CHL1: variants seen among roughly 807,000 people sequenced by gnomAD.
CHL1 encodes neural cell adhesion molecule L1-like protein.
In CHL1, 96 loss-of-function variants were observed where a neutral mutation model predicts 141.9. The ratio of observed to expected loss-of-function variants is 0.68; its 90% confidence interval spans 0.57 to 0.80. The LOEUF (loss-of-function observed/expected upper bound fraction) is 0.80, where lower values mean the gene tolerates loss of function less well. Among genes scored for constraint, CHL1 ranks in the 30% least tolerant of loss-of-function variants. CHL1 has a pLI of 0.00. For missense variants in CHL1, 1,820 were observed against 1,457.2 expected, an observed-to-expected ratio of 1.25 and a Z score of -4.05; for synonymous variants, 613 against 502.2, an observed-to-expected ratio of 1.22 and a Z score of -2.95.
At chr3:348,038 A>C (rs1702913943) in intron 9 of CHL1, among the ~76,000 whole-genome samples, 1 of 152,216 alleles carries the variant, frequency 6.6e-6, no homozygotes, top group Admixed American at 6.5e-5. Context: ...GAATATTGAC[A>C]CACACGATTT....
chr3:311,585 A>G (rs569293122), intron 2 of CHL1, among the ~76,000 whole-genome samples: 3 of 152,254 alleles, frequency 2.0e-5, no homozygotes, highest in African/African-American at 7.2e-5. Flanking sequence ...CCTGGAGGAG[A>G]GATAGCACCT....
chr3:295,391 C>G (rs971632802), intron 2 of CHL1, among the ~76,000 whole-genome samples: 7 of 151,896 alleles, frequency 4.6e-5, no homozygotes, highest in African/African-American at 1.7e-4. Context: ...TGACTAATGG[C>G]CAAAAGCACT....
At chr3:328,741 T>C (rs994761135) in intron 5 of CHL1, among the ~76,000 whole-genome samples, 15 of 152,146 alleles carry the variant, frequency 9.9e-5, no homozygotes, top group Non-Finnish European at 1.9e-4. Context: ...GGCAACTCTT[T>C]CATGCAGCCT....
At chr3:222,283 T>C (rs1700913139) in intron 1 of CHL1, among the ~76,000 whole-genome samples, 1 of 152,302 alleles carries the variant, frequency 6.6e-6, no homozygotes, top group South Asian at 2.1e-4. Context: ...GCCTTTTTTT[T>C]AGCTTCTAGA....
Position 200,288 on chromosome 3 carries a change from A to G in CHL1, c.-175+3225A>G, listed in dbSNP as rs1396553885. On this transcript the variant is annotated intron_variant, in intron 1 of 27. Transcript: ENST00000256509. ...GCACTTGGAATGCTTAAGTTAGTCC[A>G]GAGACAAATGGTAAGAGTAGGAAAA... Among the ~76,000 whole-genome samples the G allele has an allele frequency of 3.9e-5, 6 of 152,204 alleles. No homozygotes were observed. In the East Asian group the frequency reaches 7.7e-4, roughly 19 times the overall value.
At chr3:241,494 T>G (rs1021708333) in intron 1 of CHL1, among the ~76,000 whole-genome samples, 25 of 152,224 alleles carry the variant, frequency 1.6e-4, no homozygotes, top group Non-Finnish European at 4.4e-5. Context: ...CATGGGTAGG[T>G]TGTTTGCTGA....
Position 335,577 on chromosome 3 carries a change from C to T in CHL1, c.386-5217C>T, listed in dbSNP as rs567055797. 6.1e-4 allele frequency among the ~76,000 whole-genome samples: 93 copies of T among 152,258 alleles called. 3 individuals carry two copies. In the South Asian group the frequency reaches 0.013, roughly 21 times the overall value. On this transcript the variant is annotated intron_variant, in intron 5 of 27. Coordinates refer to ENST00000256509, the MANE Select transcript of CHL1 (RefSeq NM_006614.4). The stretch of plus-strand genomic sequence containing the variant: ...GCCAAGCATATTTAAGTGAAATGTA[C>T]GGCCCTGGAAAGCTCACCAGGCCAG...
intron 16 of CHL1, 39 bp downstream of exon 16, chr3:377,981 C>T: frequency 6.4e-7 from 1 of 1,551,994 alleles, no homozygotes; most frequent in Non-Finnish European, 8.7e-7. Context: ...TTCATTTCTT[C>T]ATTTCTGATT....
intron 15 of CHL1, among the ~76,000 whole-genome samples, chr3:372,769 G>A (rs561620556): frequency 6.6e-6 from 1 of 151,454 alleles, no homozygotes; most frequent in African/African-American, 2.4e-5. Context: ...CACTTGGATG[G>A]GGTTTTTTGT....
chr3:209,838 G>A (rs1699754970), intron 1 of CHL1, among the ~76,000 whole-genome samples: 1 of 152,174 alleles, frequency 6.6e-6, no homozygotes, highest in Non-Finnish European at 1.5e-5. Flanking sequence ...AATGATCCAA[G>A]GTAGGTGCCG....
intron 1 of CHL1, among the ~76,000 whole-genome samples, chr3:241,283 C>T (rs1692531393): frequency 6.6e-6 from 1 of 152,144 alleles, no homozygotes; most frequent in African/African-American, 2.4e-5. Context: ...TCTTGTGAAG[C>T]CAAGTTTTCT....
intron 8 of CHL1, among the ~76,000 whole-genome samples, chr3:343,989 G>C (rs1238652336): frequency 1.3e-5 from 2 of 152,132 alleles, no homozygotes; most frequent in Non-Finnish European, 2.9e-5. Flanking sequence ...ATATTCTTAA[G>C]AAAATAAGAA....
chr3:300,833 A>C (rs1398980905), intron 2 of CHL1, among the ~76,000 whole-genome samples: 1 of 152,210 alleles, frequency 6.6e-6, no homozygotes, highest in African/African-American at 2.4e-5. Context: ...AAGAAAGTGC[A>C]GCTGTGTTAA....
chr3:282,435 G>T (rs953394037), intron 2 of CHL1, among the ~76,000 whole-genome samples: 3 of 152,034 alleles, frequency 2.0e-5, no homozygotes, highest in African/African-American at 7.2e-5. Flanking sequence ...CTTTACTAGT[G>T]TTCTTTATTT....
intron 1 of CHL1, among the ~76,000 whole-genome samples, chr3:204,124 A>G (rs2124836834): frequency 6.6e-6 from 1 of 152,344 alleles, no homozygotes; most frequent in South Asian, 2.1e-4. Context: ...TTCAAAACAA[A>G]TTTGTCCATT....
At chr3:291,787 G>A (rs1697717139) in intron 2 of CHL1, among the ~76,000 whole-genome samples, 1 of 152,184 alleles carries the variant, frequency 6.6e-6, no homozygotes, top group Non-Finnish European at 1.5e-5. Context: ...GTCAGCAGAT[G>A]TAATGAGCCT....
At chr3:347,688 A>T (rs1702882288) in intron 9 of CHL1, among the ~76,000 whole-genome samples, 1 of 152,194 alleles carries the variant, frequency 6.6e-6, no homozygotes, top group African/African-American at 2.4e-5. Context: ...AACTTGGCAA[A>T]TTGTCATTTT....
At chr3:365,558 T>C (rs988114359) in intron 14 of CHL1, among the ~76,000 whole-genome samples, 5 of 152,206 alleles carry the variant, frequency 3.3e-5, no homozygotes, top group Admixed American at 3.3e-4. Flanking sequence ...TCTGAATTAA[T>C]AATAAACACC....
chr3:313,281 A>G (rs1364640192), intron 2 of CHL1, among the ~76,000 whole-genome samples: 1 of 152,190 alleles, frequency 6.6e-6, no homozygotes, highest in African/African-American at 2.4e-5. Context: ...GTGAATAATT[A>G]TTCAGAAAAA....
Sources: allele counts gnomAD v4.1 joint callset (sites outside exome capture counted in the v4.1 genomes callset), GRCh38; gene constraint gnomAD v4.1.1; transcripts MANE v1.5; gene names NCBI Gene and HGNC (gene_info 2026-07-23, HGNC 2026-07-21).